The following GTF2H4 variants were observed in gnomAD, a reference collection of about 807,000 sequenced individuals.
The protein encoded by GTF2H4 is BTF2 p52.
In GTF2H4, 49 loss-of-function variants were observed where a neutral mutation model predicts 62.2. The ratio of observed to expected loss-of-function variants is 0.79; its 90% confidence interval spans 0.63 to 1.00. GTF2H4 has a LOEUF of 1.00. GTF2H4 is among the 50% of genes least tolerant of loss of function. The pLI is 0.00. For missense variants in GTF2H4, 479 were observed against 587.8 expected, an observed-to-expected ratio of 0.81 and a Z score of 1.91; for synonymous variants, 189 against 233.8, an observed-to-expected ratio of 0.81 and a Z score of 1.75.
Position 30,909,087 on chromosome 6 carries a change from GAA to G in GTF2H4, c.52_53del (p.Asn18SerfsTer35). On this transcript the variant is annotated frameshift_variant, in exon 2 of 14. Coordinates refer to ENST00000259895, the MANE Select transcript of GTF2H4 (RefSeq NM_001517.5). LOFTEE classifies it high-confidence loss of function. The surrounding 1 kb of genome is among the most constrained non-coding windows in gnomAD (Gnocchi z 4.3). ...GLNRVHLQCR[N>X]LQEFLGGLSP... ...TGAACCGAGTACACCTACAATGCAGGAATCTGCAGGAATTCTTAGGGGGCCTG... is the reference window on the plus strand; with the variant it reads ...TGAACCGAGTACACCTACAATGCAGGTCTGCAGGAATTCTTAGGGGGCCTG... 6.2e-7 allele frequency: 1 copy of G among 1,614,114 alleles called. No individual in the cohort carries two copies. Among genetic ancestry groups the G allele is most frequent in the Non-Finnish European group, 8.5e-7 (1 of 1,179,958 alleles).
chr6:30,910,637 C>T lies in GTF2H4; in HGVS notation c.375-28C>T, dbSNP rs1793722485. ...TGAGCCACTGCGCCTGGCCAGGGTTCCTTACTCTTGGCCCATCCTGGCCGT... is the reference window on the plus strand; with the variant it reads ...TGAGCCACTGCGCCTGGCCAGGGTTTCTTACTCTTGGCCCATCCTGGCCGT... On this transcript the variant is annotated intron_variant, in intron 4 of 13. Coordinates refer to ENST00000259895, the MANE Select transcript of GTF2H4 (RefSeq NM_001517.5). The surrounding 1 kb of genome is among the most constrained non-coding windows in gnomAD (Gnocchi z 4.7). 6.4e-7 allele frequency: 1 copy of T among 1,556,360 alleles called. No individual in the cohort carries two copies. The highest frequency in any genetic ancestry group is 1.7e-5 in the Admixed American group (1 of 59,876).
Position 30,914,004 on chromosome 6 carries a change from G to T in GTF2H4, c.*21G>T. 1.6e-6 allele frequency: 2 copies of T among 1,288,656 alleles called. No individual in the cohort carries two copies. Among genetic ancestry groups the T allele is most frequent in the Non-Finnish European group, 1.1e-6 (1 of 902,116 alleles). The allele number at this position is 1,288,656 out of a possible 1,614,324, so 79.8% of individuals were successfully genotyped here. ...CCTGAGAGCGCGGGACTTGGACACG[G>T]ACCTCGGCGGGCGGGACTGGGCGGG... On this transcript the variant is annotated 3_prime_UTR_variant, in exon 14 of 14. Coordinates refer to ENST00000259895, the MANE Select transcript of GTF2H4 (RefSeq NM_001517.5).
chr6:30,909,366 T>TAA lies in GTF2H4; in HGVS notation c.138-68_138-67dup. On this transcript the variant is annotated intron_variant, in intron 2 of 13. Coordinates refer to ENST00000259895, the MANE Select transcript of GTF2H4 (RefSeq NM_001517.5). The surrounding 1 kb of genome is among the most constrained non-coding windows in gnomAD (Gnocchi z 4.3). ...GGAGTGAGATGAGATGTTTGAGAGG[T>TAA]AATTGAGGGCAGAGATGCAGATACA... 2 of 1,245,558 alleles carry TAA rather than the reference T, an allele frequency of 1.6e-6. No homozygotes were observed. Among genetic ancestry groups the TAA allele is most frequent in the South Asian group, 2.5e-5 (2 of 80,728 alleles). The allele number at this position is 1,245,558 out of a possible 1,614,324, so 77.2% of individuals were successfully genotyped here. A position where few individuals can be genotyped will look rare whatever the true frequency, so the allele number is the denominator to read the frequency against.
In GTF2H4 at chr6:30,912,655, G is replaced by A. The variant is rs998322302; in HGVS notation, c.1089+197G>A. 6.6e-6 allele frequency among the ~76,000 whole-genome samples: 1 copy of A among 151,418 alleles called. No individual in the cohort carries two copies. The highest frequency in any genetic ancestry group is 2.1e-4 in the South Asian group (1 of 4,810). On this transcript the variant is annotated intron_variant, in intron 11 of 13. Coordinates refer to ENST00000259895, the MANE Select transcript of GTF2H4 (RefSeq NM_001517.5). This position sits in a 1 kb window ranked among gnomAD's most constrained non-coding sequence, Gnocchi z 4.8. ...GGGGAAAAAAACATGGAGGGAGGAG[G>A]TATAGATCTGGATTTGTGCCTCGGC...
chr6:30,913,160 A>T lies in GTF2H4; in HGVS notation c.1137+3A>T. On this transcript the variant is annotated splice_donor_region_variant and intron_variant, in intron 12 of 13. Coordinates refer to ENST00000259895, the MANE Select transcript of GTF2H4 (RefSeq NM_001517.5). This position sits in a 1 kb window ranked among gnomAD's most constrained non-coding sequence, Gnocchi z 4.2. Reference sequence around the variant, plus strand: ...CCCACCCAGTGATGCTCAAACAGGTATAGACAGGCTCCAAGATGTCAGAGG... The same window carrying T: ...CCCACCCAGTGATGCTCAAACAGGTTTAGACAGGCTCCAAGATGTCAGAGG... 1 of 1,614,122 alleles carries T rather than the reference A, an allele frequency of 6.2e-7. No individual in the cohort carries two copies. The highest frequency in any genetic ancestry group is 8.5e-7 in the Non-Finnish European group (1 of 1,179,972).
chr6:30,913,527 T>A lies in GTF2H4; in HGVS notation c.1216+140T>A. 1.0e-6 allele frequency: 1 copy of A among 955,456 alleles called. No individual in the cohort carries two copies. The highest frequency in any genetic ancestry group is 1.6e-6 in the Non-Finnish European group (1 of 642,476). 59.2% of individuals were successfully genotyped at this position (955,456 alleles called of 1,614,324 possible). A position where few individuals can be genotyped will look rare whatever the true frequency, so the allele number is the denominator to read the frequency against. The stretch of plus-strand genomic sequence containing the variant: ...TTTTTGTTGTTTTGGGGTGAGTCGG[T>A]AGTAAACAAATCGTCCCAAATCAAT... On this transcript the variant is annotated intron_variant, in intron 13 of 13. Coordinates refer to ENST00000259895, the MANE Select transcript of GTF2H4 (RefSeq NM_001517.5). The surrounding 1 kb of genome is among the most constrained non-coding windows in gnomAD (Gnocchi z 4.2).
At position 30,911,001 on chromosome 6, in the gene GTF2H4, A is replaced by G; in HGVS notation, c.560+60A>G. The G allele has an allele frequency of 1.4e-6, 2 of 1,425,198 alleles. No homozygotes were observed. The highest frequency in any genetic ancestry group is 1.8e-4 in the Middle Eastern group (1 of 5,622). The allele number at this position is 1,425,198 out of a possible 1,614,324, so 88.3% of individuals were successfully genotyped here. ...TGCCATCTCCTTGGGTCCCTAAGAAATGGTATCTGGGGCTAGTCAAGATCA... is the reference window on the plus strand; with the variant it reads ...TGCCATCTCCTTGGGTCCCTAAGAAGTGGTATCTGGGGCTAGTCAAGATCA... On this transcript the variant is annotated intron_variant, in intron 6 of 13. Transcript: ENST00000259895. This position sits in a 1 kb window ranked among gnomAD's most constrained non-coding sequence, Gnocchi z 4.3.
Position 30,913,180 on chromosome 6 carries a change from CAG to C in GTF2H4, c.1137+26_1137+27del. ...CAGGTATAGACAGGCTCCAAGATGT[CAG>C]AGGCTGGCAGCTGGTGATGACATGA... On this transcript the variant is annotated intron_variant, in intron 12 of 13. Transcript: ENST00000259895. The surrounding 1 kb of genome is among the most constrained non-coding windows in gnomAD (Gnocchi z 4.2). The C allele has an allele frequency of 6.2e-7, 1 of 1,613,902 alleles. No homozygotes were observed. The highest frequency in any genetic ancestry group is 8.5e-7 in the Non-Finnish European group (1 of 1,179,844).
chr6:30,911,679 C>G lies in GTF2H4; in HGVS notation c.742-5C>G, dbSNP rs1461910696. ...GGACCCCAGCTGGAAACCTCTGTTC[C>G]TCAGGATTACTCTGTGGAAGGTATG... On this transcript the variant is annotated splice_region_variant and splice_polypyrimidine_tract_variant and intron_variant, in intron 8 of 13. Transcript: ENST00000259895. The surrounding 1 kb of genome is among the most constrained non-coding windows in gnomAD (Gnocchi z 4.3). The G allele has an allele frequency of 6.2e-7, 1 of 1,611,492 alleles. No individual in the cohort carries two copies. The highest frequency in any genetic ancestry group is 8.5e-7 in the Non-Finnish European group (1 of 1,178,766).
chr6:30,909,559 A>G lies in GTF2H4; in HGVS notation c.242+20A>G, dbSNP rs1562435909. Reference sequence around the variant, plus strand: ...CAGCAAGTAAGTCTCAGCCAGATACAAATTTCTCAACAGCTACATTTCCCA... The same window carrying G: ...CAGCAAGTAAGTCTCAGCCAGATACGAATTTCTCAACAGCTACATTTCCCA... On this transcript the variant is annotated intron_variant, in intron 3 of 13. Transcript: ENST00000259895. This position sits in a 1 kb window ranked among gnomAD's most constrained non-coding sequence, Gnocchi z 4.3. 6.8e-7 allele frequency: 1 copy of G among 1,468,000 alleles called. No individual in the cohort carries two copies. Among genetic ancestry groups the G allele is most frequent in the Non-Finnish European group, 9.5e-7 (1 of 1,048,274 alleles). The allele number at this position is 1,468,000 out of a possible 1,614,324, so 90.9% of individuals were successfully genotyped here.
chr6:30,911,905 G>T lies in GTF2H4; in HGVS notation c.826-109G>T. ...GAATACTTGGGTCTCTCGGGGGAGA[G>T]AAGTTGGGGGTTGAGGTTCTGCATC... is the stretch of plus-strand genomic sequence containing the variant. On this transcript the variant is annotated intron_variant, in intron 9 of 13. Transcript: ENST00000259895. This position sits in a 1 kb window ranked among gnomAD's most constrained non-coding sequence, Gnocchi z 4.3. 1 of 1,460,864 alleles carries T rather than the reference G, an allele frequency of 6.8e-7. No homozygotes were observed. Among genetic ancestry groups the T allele is most frequent in the Non-Finnish European group, 9.4e-7 (1 of 1,059,464 alleles). 90.5% of individuals were successfully genotyped at this position (1,460,864 alleles called of 1,614,324 possible).
Position 30,909,188 on chromosome 6 carries a change from C to A in GTF2H4, c.137+15C>A, listed in dbSNP as rs1446187619. The A allele has an allele frequency of 1.2e-6, 2 of 1,609,166 alleles. No individual in the cohort carries two copies. The highest frequency in any genetic ancestry group is 2.7e-5 in the African/African-American group (2 of 74,880). On this transcript the variant is annotated intron_variant, in intron 2 of 13. Transcript: ENST00000259895. This position sits in a 1 kb window ranked among gnomAD's most constrained non-coding sequence, Gnocchi z 4.3. ...GCTGTCTTCAGGTGAGAAGCCCCTT[C>A]ATGGCAGGGAAATGTAATGGGGTCT...
chr6:30,911,250 A>G lies in GTF2H4; in HGVS notation c.653A>G (p.Gln218Arg). 1 of 1,613,334 alleles carries G rather than the reference A, an allele frequency of 6.2e-7. No individual in the cohort carries two copies. ...GCTCAGCTCTGGTACTTTATGTTGC[A>G]GTATTTGCAGACAGCCCAGGTGAGG... ...TPAQLWYFMLQYLQTAQSRGM... is the reference protein window; with the variant it reads ...TPAQLWYFMLRYLQTAQSRGM... Residue 218 changes from glutamine (Q) to arginine (R), a missense_variant, in exon 7 of 14, where the codon CAG (glutamine) becomes CGG (arginine). Transcript: ENST00000259895. This position sits in a 1 kb window ranked among gnomAD's most constrained non-coding sequence, Gnocchi z 4.3.
Position 30,910,580 on chromosome 6 carries a change from C to T in GTF2H4, c.375-85C>T, listed in dbSNP as rs1302880353. ...TCCTGACCTCAAGTGATCCGCCCAT[C>T]TCGGCCTCCCAAAGTACAGGGATTA... On this transcript the variant is annotated intron_variant, in intron 4 of 13. Coordinates refer to ENST00000259895, the MANE Select transcript of GTF2H4 (RefSeq NM_001517.5). The surrounding 1 kb of genome is among the most constrained non-coding windows in gnomAD (Gnocchi z 4.7). 3 of 954,590 alleles carry T rather than the reference C, an allele frequency of 3.1e-6. No homozygotes were observed. The highest frequency in any genetic ancestry group is 5.1e-6 in the Non-Finnish European group (3 of 591,056). 59.1% of individuals were successfully genotyped at this position (954,590 alleles called of 1,614,324 possible).
chr6:30,909,210 G>C lies in GTF2H4; in HGVS notation c.137+37G>C. Reference sequence around the variant, plus strand: ...CTTCATGGCAGGGAAATGTAATGGGGTCTGCGGAGTGGAATAAAATATCAT... The same window carrying C: ...CTTCATGGCAGGGAAATGTAATGGGCTCTGCGGAGTGGAATAAAATATCAT... On this transcript the variant is annotated intron_variant, in intron 2 of 13. Coordinates refer to ENST00000259895, the MANE Select transcript of GTF2H4 (RefSeq NM_001517.5). This position sits in a 1 kb window ranked among gnomAD's most constrained non-coding sequence, Gnocchi z 4.3. 6.3e-7 allele frequency: 1 copy of C among 1,592,838 alleles called. No homozygotes were observed. Among genetic ancestry groups the C allele is most frequent in the Non-Finnish European group, 8.6e-7 (1 of 1,167,846 alleles).
rs1036222065 is a variant in GTF2H4, at chr6:30,912,155, G to C, written c.958+9G>C. On this transcript the variant is annotated intron_variant, in intron 10 of 13. Transcript: ENST00000259895. This position sits in a 1 kb window ranked among gnomAD's most constrained non-coding sequence, Gnocchi z 4.8. ...ACTGTATGCCTACACGGGTGAGGCG[G>C]GACAGAGGGCCCCTGGAAGAGGAGG... The C allele has an allele frequency of 1.2e-6, 2 of 1,612,518 alleles. No individual in the cohort carries two copies. The highest frequency in any genetic ancestry group is 2.7e-5 in the African/African-American group (2 of 74,870).
In GTF2H4 at chr6:30,909,086, G is replaced by A. The variant is rs1303511191; in HGVS notation, c.50G>A (p.Arg17Lys). 2 of 1,614,178 alleles carry A rather than the reference G, an allele frequency of 1.2e-6. No homozygotes were observed. The highest frequency in any genetic ancestry group is 3.3e-5 in the Admixed American group (2 of 60,032). Residue 17 changes from arginine (R) to lysine (K), a missense_variant, in exon 2 of 14, where the codon AGG (arginine) becomes AAG (lysine). By Grantham distance (26) the Arg-to-Lys change is conservative. Coordinates refer to ENST00000259895, the MANE Select transcript of GTF2H4 (RefSeq NM_001517.5). This position sits in a 1 kb window ranked among gnomAD's most constrained non-coding sequence, Gnocchi z 4.3. The part of the protein sequence containing the change: ...RGLNRVHLQC[R>K]NLQEFLGGLS... Reference sequence around the variant, plus strand: ...CTGAACCGAGTACACCTACAATGCAGGAATCTGCAGGAATTCTTAGGGGGC... The same window carrying A: ...CTGAACCGAGTACACCTACAATGCAAGAATCTGCAGGAATTCTTAGGGGGC...
rs1449476366 is a variant in GTF2H4, at chr6:30,910,778, G to A, written c.471+17G>A. 2.5e-6 allele frequency: 4 copies of A among 1,607,114 alleles called. No homozygotes were observed. In the Admixed American group the frequency reaches 6.7e-5, roughly 27 times the overall value. On this transcript the variant is annotated intron_variant, in intron 5 of 13. Coordinates refer to ENST00000259895, the MANE Select transcript of GTF2H4 (RefSeq NM_001517.5). This position sits in a 1 kb window ranked among gnomAD's most constrained non-coding sequence, Gnocchi z 4.7. The stretch of plus-strand genomic sequence containing the variant: ...CGATGGGAGGTAAGCACTTGGGAGT[G>A]TGTGTGTCTCTGCTTGTGCTTCTAC...
chr6:30,911,951 C>G lies in GTF2H4; in HGVS notation c.826-63C>G, dbSNP rs1053398426. The G allele has an allele frequency of 1.9e-6, 3 of 1,582,206 alleles. No homozygotes were observed. The African/African-American group carries it at 4.0e-5, about 21-fold the overall frequency. On this transcript the variant is annotated intron_variant, in intron 9 of 13. Coordinates refer to ENST00000259895, the MANE Select transcript of GTF2H4 (RefSeq NM_001517.5). The surrounding 1 kb of genome is among the most constrained non-coding windows in gnomAD (Gnocchi z 4.3). ...GCATCTTGGGAGGGATCTGATATTT[C>G]AGGCAGGAAGATGTAAGGCAGTGAC...
Sources: allele counts gnomAD v4.1 joint callset (sites outside exome capture counted in the v4.1 genomes callset), GRCh38; gene constraint gnomAD v4.1.1; non-coding constraint Gnocchi (gnomAD v3.1); transcripts MANE v1.5; gene names NCBI Gene and HGNC (gene_info 2026-07-23, HGNC 2026-07-21).